The following RGS6 variants were observed in gnomAD, a reference collection of about 807,000 sequenced individuals.
RGS6 encodes the protein regulator of G protein signaling 6.
A neutral mutation model predicts 78.5 loss-of-function variants in RGS6; 30 were observed. That is an observed-to-expected ratio of 0.38 (90% CI 0.29 to 0.52). The LOEUF (loss-of-function observed/expected upper bound fraction) is 0.52, where lower values mean the gene tolerates loss of function less well. Among genes scored for constraint, RGS6 ranks in the 20% least tolerant of loss-of-function variants. The pLI is 0.85. For missense variants in RGS6, 495 were observed against 609.7 expected (o/e 0.81, Z 1.98); for synonymous variants, 206 against 206.0 (o/e 1.00, Z 0.00).
intron 10 of RGS6, among the ~76,000 whole-genome samples, chr14:72,475,079 A>G (rs2096202179): frequency 6.6e-6 from 1 of 152,136 alleles, no homozygotes; most frequent in African/African-American, 2.4e-5. Context: ...TCTGAAGGGT[A>G]AGTTGCAGTT....
chr14:72,516,456 C>G (rs1023385777), intron 14 of RGS6, among the ~76,000 whole-genome samples: 1 of 152,164 alleles, frequency 6.6e-6, no homozygotes, highest in African/African-American at 2.4e-5. Context: ...TAAAGAAACA[C>G]GACTGCTTTC....
At chr14:71,892,105 GTT>G in the RGS6 span, among the ~76,000 whole-genome samples, 4 of 152,124 alleles carry the variant, frequency 2.6e-5, no homozygotes, top group African/African-American at 9.7e-5. Context: ...GAGTCTCTGT[GTT>G]TTTCACCTTA....
chr14:72,001,946 A>G (rs996209534), intron 2 of RGS6, among the ~76,000 whole-genome samples: 1 of 116,748 alleles, frequency 8.6e-6, no homozygotes, highest in Non-Finnish European at 1.6e-5. Context: ...TCTGCTGCCC[A>G]GACTGGAATT....
intron 13 of RGS6, 44 bp downstream of exon 13, chr14:72,495,306 A>C (rs768585326): frequency 8.4e-7 from 1 of 1,187,580 alleles, no homozygotes; most frequent in Non-Finnish European, 1.3e-6. Flanking sequence ...AATGTAGACA[A>C]AAATCCATGA....
intron 4 of RGS6, among the ~76,000 whole-genome samples, chr14:72,457,084 TAA>T (rs747066432): frequency 1.6e-3 from 128 of 82,126 alleles, no homozygotes; most frequent in Middle Eastern, 0.012. Context: ...GACCTGTCTC[TAA>T]AAAAAAAAAA....
At chr14:72,128,662 A>G (rs1382235971) in intron 2 of RGS6, among the ~76,000 whole-genome samples, 1 of 152,174 alleles carries the variant, frequency 6.6e-6, no homozygotes, top group East Asian at 1.9e-4. Context: ...ACTTATGAAT[A>G]GCAGAGCCAG....
intron 12 of RGS6, among the ~76,000 whole-genome samples, chr14:72,488,610 A>G (rs1211983570): frequency 6.6e-6 from 1 of 152,210 alleles, no homozygotes; most frequent in Non-Finnish European, 1.5e-5. Flanking sequence ...GACTTTTAAG[A>G]TTCTACTGCC....
At chr14:71,900,659 C>T in the RGS6 span, among the ~76,000 whole-genome samples, 1 of 152,126 alleles carries the variant, frequency 6.6e-6, no homozygotes, top group Non-Finnish European at 1.5e-5. Flanking sequence ...TTGGTTCCTT[C>T]ACTTCCTCCA....
chr14:72,112,453 G>A (rs1272787642), intron 2 of RGS6, among the ~76,000 whole-genome samples: 2 of 152,172 alleles, frequency 1.3e-5, no homozygotes, highest in Non-Finnish European at 2.9e-5. Context: ...AGGATTCTAA[G>A]CCTCATTCAT....
At chr14:72,056,585 T>G (rs2093633033) in intron 2 of RGS6, among the ~76,000 whole-genome samples, 1 of 152,256 alleles carries the variant, frequency 6.6e-6, no homozygotes, top group Admixed American at 6.5e-5. Flanking sequence ...ATCACTTTTA[T>G]GCAACCTTAG....
At chr14:72,241,171 A>AG (rs11315230) in intron 2 of RGS6, among the ~76,000 whole-genome samples, 4 of 151,276 alleles carry the variant, frequency 2.6e-5, no homozygotes, top group African/African-American at 9.7e-5. Context: ...AAAAAAAAAA[A>AG]CAAAACTTAT....
intron 2 of RGS6, among the ~76,000 whole-genome samples, chr14:72,030,977 A>G (rs1454168582): frequency 2.0e-5 from 3 of 149,030 alleles, no homozygotes. Context: ...AACTTTAGCA[A>G]CAATTTTTTT....
intron 2 of RGS6, among the ~76,000 whole-genome samples, chr14:72,156,626 T>C (rs201426494): frequency 7.9e-4 from 121 of 152,320 alleles, no homozygotes; most frequent in African/African-American, 2.8e-3. Flanking sequence ...ATGTGTCTGC[T>C]AAGAGTTAGA....
intron 2 of RGS6, among the ~76,000 whole-genome samples, chr14:71,989,371 C>T (rs2094856606): frequency 6.6e-6 from 1 of 152,192 alleles, no homozygotes; most frequent in Non-Finnish European, 1.5e-5. Context: ...CTGATCTTTC[C>T]TCTGGGATGC....
intron 3 of RGS6, among the ~76,000 whole-genome samples, chr14:72,450,000 T>G (rs1052755149): frequency 2.6e-5 from 4 of 152,248 alleles, no homozygotes; most frequent in African/African-American, 9.6e-5. Context: ...AAATAAAAAC[T>G]TATTTTTCTA....
Position 72,192,369 on chromosome 14 carries a change from A to G in RGS6, c.85-159726A>G, listed in dbSNP as rs75530331. ...AGAGGGAGAAAGATGGTACAAAGAA[A>G]AAAGAAGCCAAGGAGGAAAGTGACT... On this transcript the variant is annotated intron_variant, in intron 2 of 17. Transcript: ENST00000553525. Among the ~76,000 whole-genome samples, 941 of 152,336 alleles carry G rather than the reference A, an allele frequency of 6.2e-3. 5 individuals are homozygous for G. Among genetic ancestry groups the G allele is most frequent in the Non-Finnish European group, 9.7e-3 (659 of 68,038 alleles).
the RGS6 span, among the ~76,000 whole-genome samples, chr14:71,924,102 T>A: frequency 1.3e-5 from 2 of 151,918 alleles, no homozygotes; most frequent in African/African-American, 4.8e-5. Flanking sequence ...TGGAGTGCAG[T>A]GGTGCAATCA....
chr14:72,061,007 G>A lies in RGS6; in HGVS notation c.84+96132G>A, dbSNP rs182773130. 4.1e-3 allele frequency among the ~76,000 whole-genome samples: 619 copies of A among 152,230 alleles called. 4 individuals are homozygous for A. The highest frequency in any genetic ancestry group is 0.015 in the African/African-American group (604 of 41,528). On this transcript the variant is annotated intron_variant, in intron 2 of 17. Coordinates refer to ENST00000553525, the MANE Select transcript of RGS6 (RefSeq NM_001204424.2). ...ATTCAAGACCTGTAAGGGGAATGTG[G>A]CAGTCCTAAAGGCTGCAAATATTCT... is the stretch of plus-strand genomic sequence containing the variant.
intron 2 of RGS6, among the ~76,000 whole-genome samples, chr14:72,019,237 A>G (rs2087806128): frequency 6.6e-6 from 1 of 152,152 alleles, no homozygotes; most frequent in Admixed American, 6.5e-5. Flanking sequence ...CTCATTTTAC[A>G]TGTCTGAACA....
Sources: gnomAD v4.1 joint callset for allele counts (sites outside exome capture counted in the v4.1 genomes callset) on GRCh38, gnomAD v4.1.1 for gene constraint, MANE v1.5 for transcripts, NCBI Gene and HGNC (gene_info 2026-07-23, HGNC 2026-07-21) for gene names.